TPTE2: variants seen among roughly 807,000 people sequenced by gnomAD.
The protein encoded by TPTE2 is transmembrane phosphoinositide 3-phosphatase and tensin homolog 2, also known as phosphatidylinositol 3,4,5-trisphosphate 3-phosphatase TPTE2.
A neutral mutation model predicts 78.6 loss-of-function variants in TPTE2; 53 were observed. The observed-to-expected ratio is 0.67, with a 90% CI of 0.54 to 0.85. The LOEUF (loss-of-function observed/expected upper bound fraction) is 0.85. Among genes scored for constraint, TPTE2 ranks in the 40% least tolerant of loss-of-function variants. The probability of loss-of-function intolerance (pLI) is 0.00; values close to 1 mark genes in which losing one functional copy is unlikely to be tolerated. For missense variants in TPTE2, 461 were observed against 623.0 expected (o/e 0.74, Z 2.77); for synonymous variants, 175 against 206.2 (o/e 0.85, Z 1.30).
chr13:19,533,802 C>A (rs1054748592), intron 1 of TPTE2, among the ~76,000 whole-genome samples: 1 of 152,254 alleles, frequency 6.6e-6, no homozygotes, highest in Middle Eastern at 3.4e-3. Flanking sequence ...TACAGGAAAG[C>A]CACTGTAGAA....
rs539831931 is a variant in TPTE2 at position 19,530,971 on chromosome 13, CAAACAG to C, written c.-44+5619_-44+5624del. ...CTCTGAACTTTTAAAAAAATTATCC[CAAACAG>C]AAAGTCTATACCCATTAAACACTAA... is the stretch of plus-strand genomic sequence containing the variant. On this transcript the variant is annotated intron_variant, in intron 1 of 17. Transcript: ENST00000390680. Among the ~76,000 whole-genome samples, 129 of 152,240 alleles carry C rather than the reference CAAACAG, an allele frequency of 8.5e-4. 1 individual carries two copies. Among genetic ancestry groups the C allele is most frequent in the African/African-American group, 3.0e-3 (126 of 41,528 alleles).
chr13:19,537,717 C>T (rs1871292161), upstream of TPTE2, among the ~76,000 whole-genome samples: 1 of 151,852 alleles, frequency 6.6e-6, no homozygotes. Context: ...ATTCTCCTGC[C>T]TCAGCCTCCT....
chr13:19,560,393 G>A, the TPTE2 span: 21 of 1,608,584 alleles, frequency 1.3e-5, no homozygotes, highest in Non-Finnish European at 1.8e-5. Flanking sequence ...CCAGCTGCCC[G>A]TGCCCCCTCT....
chr13:19,489,003 C>G (rs571866319), intron 3 of TPTE2, among the ~76,000 whole-genome samples: 1 of 151,980 alleles, frequency 6.6e-6, no homozygotes, highest in African/African-American at 2.4e-5. Context: ...TATTAAATGG[C>G]CTACTTTCAA....
At chr13:19,534,282 G>T (rs1035861058) in intron 1 of TPTE2, among the ~76,000 whole-genome samples, 1 of 152,136 alleles carries the variant, frequency 6.6e-6, no homozygotes, top group African/African-American at 2.4e-5. Context: ...TTGAAGTATG[G>T]TTTCTACTGA....
intron 17 of TPTE2, among the ~76,000 whole-genome samples, chr13:19,427,019 T>C (rs1269601762): frequency 6.6e-6 from 1 of 151,406 alleles, no homozygotes; most frequent in East Asian, 2.0e-4. Flanking sequence ...TTTATGTCTT[T>C]TAAAGGCCAA....
chr13:19,449,301 G>C (rs1712318131), intron 13 of TPTE2, among the ~76,000 whole-genome samples: 2 of 152,056 alleles, frequency 1.3e-5, no homozygotes, highest in Non-Finnish European at 2.9e-5. Flanking sequence ...AGCCTCCCGA[G>C]TAGCTGGGAT....
chr13:19,488,574 T>C (rs1266932193), intron 3 of TPTE2, among the ~76,000 whole-genome samples: 2 of 152,244 alleles, frequency 1.3e-5, no homozygotes, highest in Non-Finnish European at 2.9e-5. Context: ...CTTCTTTCCT[T>C]AAACCTCATG....
chr13:19,436,429 T>G, intron 14 of TPTE2, 123 bp from the exon 18 acceptor site: 1 of 959,942 alleles, frequency 1.0e-6, no homozygotes, highest in South Asian at 1.7e-5. Context: ...TTGTTTGTTT[T>G]TTTGGTAGAG....
chr13:19,533,170 G>A (rs8000305), intron 1 of TPTE2, among the ~76,000 whole-genome samples: 5,636 of 152,236 alleles, frequency 0.037, 374 homozygotes, highest in African/African-American at 0.13. Context: ...CACTCAAAAA[G>A]ATATTATAGC....
intron 15 of TPTE2, among the ~76,000 whole-genome samples, chr13:19,433,296 G>A (rs1434206381): frequency 2.0e-5 from 3 of 152,134 alleles, no homozygotes; most frequent in Non-Finnish European, 2.9e-5. Flanking sequence ...TGGGCGTCAG[G>A]AGTTTGAGAC....
chr13:19,432,449 T>C (rs1876719441), intron 16 of TPTE2, 24 bp downstream of exon 19: 3 of 1,364,894 alleles, frequency 2.2e-6, no homozygotes, highest in African/African-American at 3.4e-5. Flanking sequence ...TGCCCAATTC[T>C]TCAATTACAC....
At position 19,432,455 on chromosome 13, in the gene TPTE2, T is replaced by C. The variant is rs377324363; in HGVS notation, c.1222+18A>G. The stretch of plus-strand genomic sequence containing the variant: ...TGGCCCTCCTGCCCAATTCTTCAAT[T>C]ACACATAAAGCACTTACCACGAATC... On this transcript the variant is annotated intron_variant, in intron 16 of 19. Coordinates refer to ENST00000400230, the Ensembl canonical transcript of TPTE2. 347 of 1,447,376 alleles carry C rather than the reference T, an allele frequency of 2.4e-4. No individual in the cohort carries two copies. The East Asian group carries it at 4.3e-3, about 18-fold the overall frequency. 89.7% of individuals were successfully genotyped at this position (1,447,376 alleles called of 1,614,324 possible).
the TPTE2 span, chr13:19,561,111 G>C: frequency 2.1e-3 from 3,417 of 1,604,936 alleles, 80 homozygotes; most frequent in African/African-American, 0.039. Context: ...TCTTCCTTGT[G>C]GCCTGGGAGG....
exon 17 of TPTE2, chr13:19,430,488 T>A: frequency 6.2e-7 from 1 of 1,610,902 alleles, no homozygotes; most frequent in Non-Finnish European, 8.5e-7. Context: ...CCTAATGAAG[T>A]ACTGGAAAAG....
intron 1 of TPTE2, among the ~76,000 whole-genome samples, chr13:19,499,624 A>G (rs1360941099): frequency 3.0e-3 from 401 of 134,168 alleles, no homozygotes; most frequent in Non-Finnish European, 3.2e-3. Flanking sequence ...ACAACATACC[A>G]GAATCTCTGG....
the TPTE2 span, among the ~76,000 whole-genome samples, chr13:19,557,752 T>C: frequency 6.6e-6 from 1 of 152,144 alleles, no homozygotes; most frequent in African/African-American, 2.4e-5. Context: ...TCAACTATTA[T>C]ACCATCAGAA....
chr13:19,519,428 A>G (rs1870013618), intron 1 of TPTE2, among the ~76,000 whole-genome samples: 1 of 152,146 alleles, frequency 6.6e-6, no homozygotes, highest in African/African-American at 2.4e-5. Flanking sequence ...ACATTTAGAT[A>G]TTTCTTCCAT....
At chr13:19,475,469 GC>G (rs1879879426) in intron 5 of TPTE2, 103 bp downstream of exon 8, 2 of 1,305,530 alleles carry the variant, frequency 1.5e-6, no homozygotes, top group Admixed American at 4.4e-5. Context: ...CATGTGATCT[GC>G]CCGCCTCAGC....
Sources: allele counts gnomAD v4.1 joint callset (sites outside exome capture counted in the v4.1 genomes callset), GRCh38; gene constraint gnomAD v4.1.1; transcripts MANE v1.5; gene names NCBI Gene and HGNC (gene_info 2026-07-23, HGNC 2026-07-21).